Variants in CMPK2 observed in about 807,000 individuals in gnomAD.
The protein encoded by CMPK2 is UMP-CMP kinase 2, mitochondrial.
In CMPK2, 32 loss-of-function variants were observed where a neutral mutation model predicts 33.4. That is an observed-to-expected ratio of 0.96 (90% CI 0.72 to 1.29). The LOEUF (loss-of-function observed/expected upper bound fraction) is 1.29. CMPK2 is among the 50% of genes most tolerant of loss of function. The pLI is 0.00. For missense variants in CMPK2, 672 were observed against 616.0 expected (o/e 1.09, Z -0.96); for synonymous variants, 299 against 275.3 (o/e 1.09, Z -0.85).
chr2:6,851,544 T>G lies in CMPK2; in HGVS notation c.1132A>C (p.Ser378Arg). ...AGCCTCTGCAACCTCTCCTCAGGACTCACAGTGAGCAGCAGGATAAGGTCA... is the reference window on the plus strand; with the variant it reads ...AGCCTCTGCAACCTCTCCTCAGGACGCACAGTGAGCAGCAGGATAAGGTCA... ...KPDLILLLTV[S>R]PEERLQRLQG... is the part of the protein sequence containing the mutation. The change falls in exon 4 of 5, where the codon AGT becomes CGT. Residue 378 changes from serine to arginine, a missense_variant. Coordinates refer to ENST00000256722, the MANE Select transcript of CMPK2 (RefSeq NM_207315.4). 6.2e-7 allele frequency: 1 copy of G among 1,614,200 alleles called. No individual in the cohort carries two copies. The highest frequency in any genetic ancestry group is 8.5e-7 in the Non-Finnish European group (1 of 1,180,026).
Position 6,865,309 on chromosome 2 carries a change from C to T in CMPK2, c.388G>A (p.Gly130Ser). The T allele has an allele frequency of 6.6e-7, 1 of 1,512,514 alleles. No individual in the cohort carries two copies. Among genetic ancestry groups the T allele is most frequent in the Non-Finnish European group, 8.8e-7 (1 of 1,138,400 alleles). 93.7% of individuals were successfully genotyped at this position (1,512,514 alleles called of 1,614,324 possible). Reference protein sequence around the residue: ...PGGQAGGAQQGFLLRDPLDDP... With the variant: ...PGGQAGGAQQSFLLRDPLDDP... ...TCCAGGGGGTCGCGCAGCAGGAAGC[C>T]TTGCTGTGCGCCGCCGGCCTGGCCG... is the stretch of plus-strand genomic sequence containing the variant. Residue 130 changes from glycine (G) to serine (S), a missense_variant, in exon 1 of 5, where the codon GGC (glycine) becomes AGC (serine). Physicochemically the swap from Gly to Ser is moderately conservative, Grantham distance 56 (BLOSUM62 0). Coordinates refer to ENST00000256722, the MANE Select transcript of CMPK2 (RefSeq NM_207315.4).
downstream of CMPK2, chr2:6,848,225 C>A (rs1332046245): frequency 4.1e-6 from 2 of 488,056 alleles, no homozygotes; most frequent in East Asian, 1.5e-4. Flanking sequence ...ACTTCCTTTA[C>A]CAAAATTTCC....
Position 6,849,648 on chromosome 2 carries a change from T to C in CMPK2, c.*202A>G, listed in dbSNP as rs1662454199. On this transcript the variant is annotated 3_prime_UTR_variant, in exon 5 of 5. Transcript: ENST00000256722. ...TCGCTGGCCTCTCACTGGAACATGA[T>C]GAGAGGGACCTTTGTGATGACGGGT... 2 of 1,402,498 alleles carry C rather than the reference T, an allele frequency of 1.4e-6. No individual in the cohort carries two copies. Among genetic ancestry groups the C allele is most frequent in the South Asian group, 3.4e-5 (2 of 59,694 alleles). 86.9% of individuals were successfully genotyped at this position (1,402,498 alleles called of 1,614,324 possible). A position where few individuals can be genotyped will look rare whatever the true frequency, so the allele number is the denominator to read the frequency against.
chr2:6,855,272 T>A (rs1184706086), intron 3 of CMPK2, among the ~76,000 whole-genome samples: 3 of 151,688 alleles, frequency 2.0e-5, no homozygotes, highest in Admixed American at 6.6e-5. Flanking sequence ...TCATGAGATC[T>A]GGGTGTTTAA....
intron 3 of CMPK2, among the ~76,000 whole-genome samples, chr2:6,841,479 C>T (rs1316918502): frequency 6.6e-6 from 1 of 152,172 alleles, no homozygotes; most frequent in African/African-American, 2.4e-5. Context: ...AACCTCTGGG[C>T]TATTTGATGA....
intron 3 of CMPK2, among the ~76,000 whole-genome samples, chr2:6,857,519 T>C (rs1448753613): frequency 2.6e-5 from 4 of 152,018 alleles, no homozygotes; most frequent in East Asian, 1.9e-4. Context: ...GGTCTCACTA[T>C]GTTATCAAGG....
intron 2 of CMPK2, chr2:6,862,211 C>T (rs1318117750): frequency 6.6e-6 from 1 of 152,230 alleles, no homozygotes; most frequent in African/African-American, 2.4e-5. Context: ...CTAACAGTAG[C>T]TACCATTTCT....
At position 6,865,316 on chromosome 2, in the gene CMPK2, T is replaced by TG; in HGVS notation, c.380dup (p.Gln128ThrfsTer12). 1 of 1,504,286 alleles carries TG rather than the reference T, an allele frequency of 6.6e-7. No individual in the cohort carries two copies. The highest frequency in any genetic ancestry group is 8.8e-7 in the Non-Finnish European group (1 of 1,134,492). 93.2% of individuals were successfully genotyped at this position (1,504,286 alleles called of 1,614,324 possible). On this transcript the variant is annotated frameshift_variant, in exon 1 of 5. Coordinates refer to ENST00000256722, the MANE Select transcript of CMPK2 (RefSeq NM_207315.4). LOFTEE classifies it high-confidence loss of function. ...GGTCGCGCAGCAGGAAGCCTTGCTG[T>TG]GCGCCGCCGGCCTGGCCGCCCGGGC...
At chr2:6,857,502 G>C (rs981667490) in intron 3 of CMPK2, among the ~76,000 whole-genome samples, 1 of 151,600 alleles carries the variant, frequency 6.6e-6, no homozygotes, top group African/African-American at 2.4e-5. Context: ...ATTTTTTGTA[G>C]AGACAAGGTC....
At chr2:6,851,798 T>C (rs1662534723) in intron 3 of CMPK2, 115 bp from the exon 4 acceptor site, 1 of 766,018 alleles carries the variant, frequency 1.3e-6, no homozygotes, top group Non-Finnish European at 2.1e-6. Flanking sequence ...GTTTTTCTAG[T>C]ATTGCATAAG....
intron 3 of CMPK2, among the ~76,000 whole-genome samples, chr2:6,858,577 T>C (rs1055501304): frequency 6.6e-6 from 1 of 152,192 alleles, no homozygotes; most frequent in Non-Finnish European, 1.5e-5. Flanking sequence ...GCTGTTCTCA[T>C]GATAGTGACT....
At chr2:6,859,573 AG>A (rs1171654361) in intron 3 of CMPK2, among the ~76,000 whole-genome samples, 1 of 152,152 alleles carries the variant, frequency 6.6e-6, no homozygotes, top group Non-Finnish European at 1.5e-5. Flanking sequence ...CTTGATTCAG[AG>A]GGGGAAAGCC....
At chr2:6,859,625 T>C (rs1662814927) in intron 3 of CMPK2, among the ~76,000 whole-genome samples, 1 of 152,130 alleles carries the variant, frequency 6.6e-6, no homozygotes, top group Non-Finnish European at 1.5e-5. Context: ...AGCCTACAGG[T>C]ACACAGAAGT....
At chr2:6,857,339 T>G (rs1662737330) in intron 3 of CMPK2, among the ~76,000 whole-genome samples, 1 of 151,484 alleles carries the variant, frequency 6.6e-6, no homozygotes, top group Non-Finnish European at 1.5e-5. Context: ...GGATTTTTTT[T>G]TTTTTTTTGA....
intron 3 of CMPK2, among the ~76,000 whole-genome samples, chr2:6,842,702 T>G (rs1453786745): frequency 6.6e-6 from 1 of 152,154 alleles, no homozygotes; most frequent in East Asian, 1.9e-4. Flanking sequence ...GATCAGGGAG[T>G]GAGTTTCAGC....
rs775445829 is a variant in CMPK2 at position 6,849,807 on chromosome 2, A to C, written c.*43T>G. The C allele has an allele frequency of 1.2e-6, 2 of 1,610,208 alleles. No homozygotes were observed. Among genetic ancestry groups the C allele is most frequent in the Non-Finnish European group, 1.7e-6 (2 of 1,178,684 alleles). On this transcript the variant is annotated 3_prime_UTR_variant, in exon 5 of 5. Transcript: ENST00000256722. ...ACAAATGGTGGATGTAGATGTTTCA[A>C]ACAACATCTAATCTAGTTAGACGTG... is the stretch of plus-strand genomic sequence containing the variant.
chr2:6,846,294 GA>G (rs566266505), downstream of CMPK2, among the ~76,000 whole-genome samples: 124 of 152,154 alleles, frequency 8.1e-4, no homozygotes, highest in African/African-American at 2.9e-3. Context: ...TTATATGGAG[GA>G]AAAAAACAAC....
Position 6,865,006 on chromosome 2 carries a change from C to G in CMPK2, c.675+16G>C, listed in dbSNP as rs1484829520. The G allele has an allele frequency of 7.1e-7, 1 of 1,403,330 alleles. No individual in the cohort carries two copies. Among genetic ancestry groups the G allele is most frequent in the Non-Finnish European group, 9.3e-7 (1 of 1,076,500 alleles). 86.9% of individuals were successfully genotyped at this position (1,403,330 alleles called of 1,614,324 possible). On this transcript the variant is annotated intron_variant, in intron 1 of 4. Coordinates refer to ENST00000256722, the MANE Select transcript of CMPK2 (RefSeq NM_207315.4). The stretch of plus-strand genomic sequence containing the variant: ...CAGATGCCACGCTGGGAGCTGGAAG[C>G]GGACAGAACTCTTACCTCCTCCAAA...
chr2:6,865,635 C>A lies in CMPK2; in HGVS notation c.62G>T (p.Gly21Val). 7.4e-7 allele frequency: 1 copy of A among 1,356,158 alleles called. No homozygotes were observed. The highest frequency in any genetic ancestry group is 9.5e-7 in the Non-Finnish European group (1 of 1,058,018). 84.0% of individuals were successfully genotyped at this position (1,356,158 alleles called of 1,614,324 possible). Residue 21 changes from glycine to valine, a missense_variant, in exon 1 of 5, where the codon GGG (glycine) becomes GTG (valine). Transcript: ENST00000256722. ...CGGAGCCATGGCCCCAGCGCAGACCCCGCGCCGCCCGAGCAGCGGCCCCGA... is the reference window on the plus strand; with the variant it reads ...CGGAGCCATGGCCCCAGCGCAGACCACGCGCCGCCCGAGCAGCGGCCCCGA... ...PLSGPLLGRR[G>V]VCAGAMAPPR...
Sources: gnomAD v4.1 joint callset for allele counts (sites outside exome capture counted in the v4.1 genomes callset) on GRCh38, gnomAD v4.1.1 for gene constraint, MANE v1.5 for transcripts, NCBI Gene and HGNC (gene_info 2026-07-23, HGNC 2026-07-21) for gene names.